Variants in ARL15 observed in about 807,000 individuals in gnomAD.
The protein encoded by ARL15 is ARF like GTPase 15.
Under a neutral mutation model 25.2 loss-of-function variants are expected in ARL15, and 19 were observed. The ratio of observed to expected loss-of-function variants is 0.75; its 90% confidence interval spans 0.53 to 1.10. The LOEUF (loss-of-function observed/expected upper bound fraction) is 1.10. ARL15 is among the 50% of genes least tolerant of loss of function. ARL15 has a pLI of 0.00. For synonymous variants in ARL15, 94 were observed against 86.8 expected (o/e 1.08, Z -0.46); for missense variants, 220 against 246.0 (o/e 0.89, Z 0.71).
rs1338766581 is a variant in ARL15, at chr5:54,062,528, AAAAAAC to A, written c.462+50668_462+50673del. Among the ~76,000 whole-genome samples, 1,347 of 146,022 alleles carry A rather than the reference AAAAAAC, an allele frequency of 9.2e-3. 22 individuals carry two copies. Among genetic ancestry groups the A allele is most frequent in the African/African-American group, 0.036 (1,278 of 35,826 alleles). On this transcript the variant is annotated intron_variant, in intron 4 of 4. Transcript: ENST00000504924. ...ATTTGGTGGTTAAGGAAAAAAAAAA[AAAAAAC>A]AACAGAAGCTTCCTTGCACAAACTC...
At chr5:54,104,888 A>G (rs1195494311) in intron 4 of ARL15, among the ~76,000 whole-genome samples, 1 of 152,078 alleles carries the variant, frequency 6.6e-6, no homozygotes, top group Non-Finnish European at 1.5e-5. Context: ...ATAAACAAAT[A>G]TATCTCTTGC....
rs1750528188 is a variant in ARL15 at position 54,046,715 on chromosome 5, A to C, written c.462+66487T>G. Among the ~76,000 whole-genome samples the C allele has an allele frequency of 2.0e-5, 3 of 152,198 alleles. No individual in the cohort carries two copies. In the South Asian group the frequency reaches 6.2e-4, roughly 32 times the overall value. On this transcript the variant is annotated intron_variant, in intron 4 of 4. Transcript: ENST00000504924. Reference sequence around the variant, plus strand: ...TCAACAACTGCTGTAGAGCAATGGAATTGACTTTATTGATTTTTAAAGAAA... The same window carrying C: ...TCAACAACTGCTGTAGAGCAATGGACTTGACTTTATTGATTTTTAAAGAAA...
intron 4 of ARL15, among the ~76,000 whole-genome samples, chr5:54,046,370 A>T (rs1750512556): frequency 6.6e-6 from 1 of 152,168 alleles, no homozygotes. Flanking sequence ...AATCCCAGCT[A>T]CTTGGGAGGC....
intron 1 of ARL15, among the ~76,000 whole-genome samples, chr5:54,191,777 C>T (rs1346047503): frequency 1.3e-5 from 2 of 152,150 alleles, no homozygotes; most frequent in Non-Finnish European, 1.5e-5. Context: ...CTCACACTGG[C>T]TCCCTGCTTT....
intron 3 of ARL15, among the ~76,000 whole-genome samples, chr5:54,140,081 T>C (rs1753724367): frequency 1.3e-5 from 2 of 152,164 alleles, no homozygotes; most frequent in Non-Finnish European, 2.9e-5. Flanking sequence ...TTAAAATCTA[T>C]CAATGTATCT....
intron 1 of ARL15, among the ~76,000 whole-genome samples, chr5:54,288,995 C>T (rs1036301720): frequency 1.3e-5 from 2 of 152,148 alleles, no homozygotes; most frequent in African/African-American, 4.8e-5. Flanking sequence ...AGGCCTGTCT[C>T]ATTAACTTCA....
In ARL15 at chr5:54,106,017, T is replaced by G. The variant is rs564425629; in HGVS notation, c.462+7185A>C. Among the ~76,000 whole-genome samples the G allele has an allele frequency of 2.6e-3, 397 of 152,284 alleles. 1 individual carries two copies. The highest frequency in any genetic ancestry group is 8.6e-3 in the African/African-American group (358 of 41,548). On this transcript the variant is annotated intron_variant, in intron 4 of 4. Transcript: ENST00000504924. ...TATAAGCAATTATTTTAAAATGTAT[T>G]AAAAGAATATCATTTGGCCAAGATG...
intron 4 of ARL15, among the ~76,000 whole-genome samples, chr5:54,060,367 G>A (rs1375893086): frequency 2.0e-5 from 3 of 152,246 alleles, no homozygotes; most frequent in African/African-American, 7.2e-5. Context: ...CCCAGGAGGT[G>A]GAGGTTGCAG....
At chr5:53,956,566 T>C (rs894902108) in intron 4 of ARL15, among the ~76,000 whole-genome samples, 20 of 151,792 alleles carry the variant, frequency 1.3e-4, no homozygotes, top group Non-Finnish European at 1.3e-4. Context: ...AGATAAAGAC[T>C]TTAAGTCAGT....
intron 1 of ARL15, among the ~76,000 whole-genome samples, chr5:54,252,872 C>T (rs1363007828): frequency 4.6e-5 from 7 of 152,026 alleles, no homozygotes; most frequent in Admixed American, 6.6e-5. Context: ...CATAGAGGCG[C>T]GCACCACCAT....
chr5:54,211,766 C>A (rs1350310951), intron 1 of ARL15, among the ~76,000 whole-genome samples: 1 of 151,980 alleles, frequency 6.6e-6, no homozygotes, highest in African/African-American at 2.4e-5. Context: ...GCCACCGTGA[C>A]CGGCCAAATG....
chr5:54,091,701 A>G (rs1752132957), intron 4 of ARL15, among the ~76,000 whole-genome samples: 1 of 152,140 alleles, frequency 6.6e-6, no homozygotes, highest in African/African-American at 2.4e-5. Context: ...AAGGGCAGAC[A>G]CATTTTGGCA....
At chr5:54,083,309 G>C (rs1447925697) in intron 4 of ARL15, among the ~76,000 whole-genome samples, 5 of 152,156 alleles carry the variant, frequency 3.3e-5, no homozygotes, top group Non-Finnish European at 7.4e-5. Flanking sequence ...TTAAACAATT[G>C]AGGCTAATGG....
chr5:54,135,880 T>C (rs879323536), intron 3 of ARL15, among the ~76,000 whole-genome samples: 1 of 152,218 alleles, frequency 6.6e-6, no homozygotes, highest in Non-Finnish European at 1.5e-5. Context: ...GGAGACTGCA[T>C]ACCCAACTTT....
At chr5:53,939,824 T>C (rs1746478141) in intron 4 of ARL15, among the ~76,000 whole-genome samples, 1 of 152,206 alleles carries the variant, frequency 6.6e-6, no homozygotes, top group Admixed American at 6.5e-5. Flanking sequence ...ATTTGAAATC[T>C]GTAGATTAAT....
chr5:54,042,538 T>C (rs1424158972), intron 4 of ARL15, among the ~76,000 whole-genome samples: 1 of 152,216 alleles, frequency 6.6e-6, no homozygotes. Flanking sequence ...ATTAGCTCTC[T>C]GCCCTTCCTT....
At chr5:54,164,308 T>C (rs1316136360) in intron 2 of ARL15, among the ~76,000 whole-genome samples, 1 of 151,996 alleles carries the variant, frequency 6.6e-6, no homozygotes, top group Non-Finnish European at 1.5e-5. Flanking sequence ...ATTTGGCAAA[T>C]ATTCTATGTG....
intron 4 of ARL15, among the ~76,000 whole-genome samples, chr5:54,046,591 A>G (rs765202699): frequency 2.0e-5 from 3 of 152,230 alleles, no homozygotes; most frequent in Non-Finnish European, 4.4e-5. Context: ...AAAAAAAGGA[A>G]AGACCAGGAC....
chr5:53,892,818 C>T (rs1423173995), intron 4 of ARL15, among the ~76,000 whole-genome samples: 2 of 151,902 alleles, frequency 1.3e-5, no homozygotes, highest in Non-Finnish European at 2.9e-5. Flanking sequence ...TTTGTTCAGG[C>T]TGGTCTTGAA....
Sources: allele counts gnomAD v4.1 joint callset (sites outside exome capture counted in the v4.1 genomes callset), GRCh38; gene constraint gnomAD v4.1.1; transcripts MANE v1.5; gene names NCBI Gene and HGNC (gene_info 2026-07-23, HGNC 2026-07-21).